DGCR8: variants seen among roughly 807,000 people sequenced by gnomAD.
DGCR8 encodes DGCR8 microprocessor complex subunit.
In DGCR8, 14 loss-of-function variants were observed where a neutral mutation model predicts 78.5. That is an observed-to-expected ratio of 0.18 (90% CI 0.12 to 0.28). The LOEUF (loss-of-function observed/expected upper bound fraction) is 0.28, where lower values mean the gene tolerates loss of function less well. Ranked by LOEUF, DGCR8 falls within the 10% of genes least tolerant of loss-of-function variation. The pLI is 1.00. For synonymous variants in DGCR8, 399 were observed against 402.4 expected, an observed-to-expected ratio of 0.99 and a Z score of 0.10; for missense variants, 702 against 1,022.5, an observed-to-expected ratio of 0.69 and a Z score of 4.28.
rs771665333 is a variant in DGCR8, at chr22:20,086,391, A to G, written c.428A>G (p.Asp143Gly). The G allele has an allele frequency of 2.5e-6, 4 of 1,613,776 alleles. No individual in the cohort carries two copies. In the South Asian group the frequency reaches 4.4e-5, roughly 18 times the overall value. The change falls in exon 2 of 14, where the codon GAC becomes GGC. Residue 143 changes from aspartate (D) to glycine (G), a missense_variant. Physicochemically the swap from Asp to Gly is moderately conservative, Grantham distance 94. Coordinates refer to ENST00000351989, the MANE Select transcript of DGCR8 (RefSeq NM_022720.7). This position sits in a 1 kb window ranked among gnomAD's most constrained non-coding sequence, Gnocchi z 6.4. ...RKVLYTGAER[D>G]VRAECGLLLS... Reference sequence around the variant, plus strand: ...GTGCTGTACACAGGAGCAGAGCGCGACGTGCGGGCGGAGTGCGGTCTGCTC... The same window carrying G: ...GTGCTGTACACAGGAGCAGAGCGCGGCGTGCGGGCGGAGTGCGGTCTGCTC...
Position 20,111,713 on chromosome 22 carries a change from C to A in DGCR8, c.*1605C>A, listed in dbSNP as rs901903348. ...CTCTTGTGGTCTCTGTGCGCCCCCC[C>A]CCCCCCCCCACCCGTCTGCCAAGCA... On this transcript the variant is annotated 3_prime_UTR_variant, in exon 14 of 14. Transcript: ENST00000351989. 16 of 174,630 alleles carry A rather than the reference C, an allele frequency of 9.2e-5. 1 individual carries two copies. Among genetic ancestry groups the A allele is most frequent in the Non-Finnish European group, 1.4e-4 (13 of 91,764 alleles). The allele number at this position is 174,630 out of a possible 1,614,324, so 10.8% of individuals were successfully genotyped here.
chr22:20,100,806 C>G lies in DGCR8; in HGVS notation c.1789-5371C>G, dbSNP rs981470233. The G allele has an allele frequency of 6.1e-6, 6 of 985,292 alleles. No homozygotes were observed. In the African/African-American group the frequency reaches 8.7e-5, roughly 14 times the overall value. The allele number at this position is 985,292 out of a possible 1,614,324, so 61.0% of individuals were successfully genotyped here. On this transcript the variant is annotated intron_variant, in intron 9 of 13. Transcript: ENST00000351989. Reference sequence around the variant, plus strand: ...CCTGCCTGGGGCTTTTTCCACACCCCTACTCCGATCCTCCCACACTGCAGC... The same window carrying G: ...CCTGCCTGGGGCTTTTTCCACACCCGTACTCCGATCCTCCCACACTGCAGC...
chr22:20,101,938 T>C (rs1187493008), intron 9 of DGCR8: 1 of 985,272 alleles, frequency 1.0e-6, no homozygotes, highest in Non-Finnish European at 1.2e-6. Context: ...GCGTGTATGC[T>C]ACTTGATTAA....
In DGCR8 at chr22:20,106,163, G is replaced by T; in HGVS notation, c.1789-14G>T. ...GCCTGGTGGGGACTCACAAGCCTCT[G>T]CTTTGTGTTGTAGTATTTTAACCAC... is the stretch of plus-strand genomic sequence containing the variant. On this transcript the variant is annotated splice_polypyrimidine_tract_variant and intron_variant, in intron 9 of 13. Transcript: ENST00000351989. The T allele has an allele frequency of 6.2e-7, 1 of 1,613,096 alleles. No individual in the cohort carries two copies. Among genetic ancestry groups the T allele is most frequent in the South Asian group, 1.1e-5 (1 of 91,062 alleles).
chr22:20,093,278 A>C (rs956550135), intron 8 of DGCR8, among the ~76,000 whole-genome samples: 10 of 151,820 alleles, frequency 6.6e-5, no homozygotes, highest in Non-Finnish European at 1.2e-4. Context: ...GGTGGCGGGC[A>C]CCTGTAGTCT....
rs140782334 is a variant in DGCR8 at position 20,086,006 on chromosome 22, G to A, written c.43G>A (p.Ala15Thr). The A allele has an allele frequency of 1.1e-4, 171 of 1,610,296 alleles. No homozygotes were observed. The African/African-American group carries it at 1.3e-3, about 12-fold the overall frequency. The change falls in exon 2 of 14, where the codon GCA becomes ACA. Residue 15 changes from alanine (A) to threonine (T), a missense_variant. Coordinates refer to ENST00000351989, the MANE Select transcript of DGCR8 (RefSeq NM_022720.7). This position sits in a 1 kb window ranked among gnomAD's most constrained non-coding sequence, Gnocchi z 6.4. ...CCCCTCTCCGCTCCCGTGTGGGCCCGCAGGAGAAGCGGTGATGGAGAGCCG... is the reference window on the plus strand; with the variant it reads ...CCCCTCTCCGCTCCCGTGTGGGCCCACAGGAGAAGCGGTGATGGAGAGCCG... ...ESPSPLPCGP[A>T]GEAVMESRAR...
chr22:20,091,227 C>T (rs1184665530), intron 5 of DGCR8, among the ~76,000 whole-genome samples: 1 of 152,174 alleles, frequency 6.6e-6, no homozygotes, highest in East Asian at 1.9e-4. Context: ...AGTAAAAGAA[C>T]ATCTCAGAAA....
rs537633443 is a variant in DGCR8 at position 20,101,774 on chromosome 22, C to T, written c.1789-4403C>T. On this transcript the variant is annotated intron_variant, in intron 9 of 13. Transcript: ENST00000351989. ...GGTTGTGTCCCCGCCCCCTGCTCCT[C>T]CCAGCTGCCTGTGCAGAGGTGCCAA... 6 of 985,342 alleles carry T rather than the reference C, an allele frequency of 6.1e-6. No individual in the cohort carries two copies. In the Admixed American group the frequency reaches 3.7e-4, roughly 61 times the overall value. The allele number at this position is 985,342 out of a possible 1,614,324, so 61.0% of individuals were successfully genotyped here.
Position 20,080,251 on chromosome 22 carries a change from C to T in DGCR8, c.-410C>T, listed in dbSNP as rs918926970. ...CCGCGAAGGCCCGCCCTCCGCTCGCCCGGCGCGGCAGGCGGGTGCCGGCGA... is the reference window on the plus strand; with the variant it reads ...CCGCGAAGGCCCGCCCTCCGCTCGCTCGGCGCGGCAGGCGGGTGCCGGCGA... On this transcript the variant is annotated 5_prime_UTR_variant, in exon 1 of 14. Coordinates refer to ENST00000351989, the MANE Select transcript of DGCR8 (RefSeq NM_022720.7). 4 of 974,950 alleles carry T rather than the reference C, an allele frequency of 4.1e-6. No individual in the cohort carries two copies. The highest frequency in any genetic ancestry group is 1.8e-5 in the African/African-American group (1 of 56,810). The allele number at this position is 974,950 out of a possible 1,614,324, so 60.4% of individuals were successfully genotyped here.
chr22:20,086,898 C>A lies in DGCR8; in HGVS notation c.720+215C>A, dbSNP rs1039811764. The A allele has an allele frequency of 2.7e-6, 2 of 743,046 alleles. No homozygotes were observed. The highest frequency in any genetic ancestry group is 6.3e-5 in the Admixed American group (2 of 31,560). 46.0% of individuals were successfully genotyped at this position (743,046 alleles called of 1,614,324 possible). A position where few individuals can be genotyped will look rare whatever the true frequency, so the allele number is the denominator to read the frequency against. ...ATGAAAAGTTTGGCCCATGGGTAGGCCCTGCATCCCTGATCTAGCGCGTGG... is the reference window on the plus strand; with the variant it reads ...ATGAAAAGTTTGGCCCATGGGTAGGACCTGCATCCCTGATCTAGCGCGTGG... On this transcript the variant is annotated intron_variant, in intron 2 of 13. Coordinates refer to ENST00000351989, the MANE Select transcript of DGCR8 (RefSeq NM_022720.7). This position sits in a 1 kb window ranked among gnomAD's most constrained non-coding sequence, Gnocchi z 6.4.
chr22:20,087,576 A>G lies in DGCR8; in HGVS notation c.880+255A>G, dbSNP rs1013885893. On this transcript the variant is annotated intron_variant, in intron 3 of 13. Coordinates refer to ENST00000351989, the MANE Select transcript of DGCR8 (RefSeq NM_022720.7). The surrounding 1 kb of genome is among the most constrained non-coding windows in gnomAD (Gnocchi z 4.1). Reference sequence around the variant, plus strand: ...GCACTGTGCAGAGGAATGGGAGGGGACTTCTGAGGGGGTCAGGAGGGGATG... The same window carrying G: ...GCACTGTGCAGAGGAATGGGAGGGGGCTTCTGAGGGGGTCAGGAGGGGATG... Among the ~76,000 whole-genome samples the G allele has an allele frequency of 6.6e-6, 1 of 151,986 alleles. No individual in the cohort carries two copies. Among genetic ancestry groups the G allele is most frequent in the African/African-American group, 2.4e-5 (1 of 41,346 alleles).
intron 1 of DGCR8, chr22:20,080,590 G>A: frequency 1.5e-6 from 1 of 688,060 alleles, no homozygotes; most frequent in Non-Finnish European, 1.8e-6. Context: ...GCGGGCCCCG[G>A]GCCCAGGCGT....
chr22:20,106,727 G>T, intron 11 of DGCR8, 29 bp downstream of exon 11: 1 of 1,550,028 alleles, frequency 6.5e-7, no homozygotes, highest in Non-Finnish European at 8.9e-7. Flanking sequence ...CTGCCTGGTG[G>T]CCGCTGGGCG....
chr22:20,096,571 A>G, intron 9 of DGCR8: 1 of 741,126 alleles, frequency 1.3e-6, no homozygotes, highest in Non-Finnish European at 1.6e-6. Flanking sequence ...AAACTATATA[A>G]GTGGATTTTT....
In DGCR8 at chr22:20,092,912, C is replaced by T. The variant is rs192730758; in HGVS notation, c.1705+5C>T. On this transcript the variant is annotated splice_donor_5th_base_variant and intron_variant, in intron 8 of 13. Coordinates refer to ENST00000351989, the MANE Select transcript of DGCR8 (RefSeq NM_022720.7). Reference sequence around the variant, plus strand: ...AACTTGCGAAGAATAAAGCTGGTAACGTGCTTGCTTGGGTGTCAAAGATAC... The same window carrying T: ...AACTTGCGAAGAATAAAGCTGGTAATGTGCTTGCTTGGGTGTCAAAGATAC... 1.1e-4 allele frequency: 172 copies of T among 1,610,258 alleles called. No homozygotes were observed. In the African/African-American group the frequency reaches 2.1e-3, roughly 19 times the overall value.
At chr22:20,090,768 T>G (rs2049547254) in intron 5 of DGCR8, among the ~76,000 whole-genome samples, 1 of 152,238 alleles carries the variant, frequency 6.6e-6, no homozygotes, top group Non-Finnish European at 1.5e-5. Context: ...AGTCCCGCCA[T>G]TTAAGTCTTA....
At chr22:20,099,516 C>A (rs1480283322) in intron 9 of DGCR8, among the ~76,000 whole-genome samples, 4 of 152,220 alleles carry the variant, frequency 2.6e-5, no homozygotes, top group African/African-American at 9.7e-5. Context: ...CATTGAGTGG[C>A]TACCACTGAG....
At chr22:20,101,654 C>CTCCGTTGTG in intron 9 of DGCR8, 1 of 985,374 alleles carries the variant, frequency 1.0e-6, no homozygotes, top group Non-Finnish European at 1.2e-6. Context: ...TAGCTTTTCC[C>CTCCGTTGTG]TCCGTTGTAG....
rs417309 is a variant in DGCR8 at position 20,111,021 on chromosome 22, G to A, written c.*913G>A. The A allele has an allele frequency of 0.069, 27,312 of 397,406 alleles. 1,130 individuals carry two copies. Among genetic ancestry groups the A allele is most frequent in the Non-Finnish European group, 0.084 (18,866 of 225,862 alleles). The allele number at this position is 397,406 out of a possible 1,614,324, so 24.6% of individuals were successfully genotyped here. A position where few individuals can be genotyped will look rare whatever the true frequency, so the allele number is the denominator to read the frequency against. Reference sequence around the variant, plus strand: ...GAGTAGAAGGTAGATTTGGAATCATGCATTTTAGCAAGTGGACTTGTTGAA... The same window carrying A: ...GAGTAGAAGGTAGATTTGGAATCATACATTTTAGCAAGTGGACTTGTTGAA... On this transcript the variant is annotated 3_prime_UTR_variant, in exon 14 of 14. Transcript: ENST00000351989.
Sources: allele counts gnomAD v4.1 joint callset (sites outside exome capture counted in the v4.1 genomes callset), GRCh38; gene constraint gnomAD v4.1.1; non-coding constraint Gnocchi (gnomAD v3.1); transcripts MANE v1.5; gene names NCBI Gene and HGNC (gene_info 2026-07-23, HGNC 2026-07-21).